NFATC1: variants seen among roughly 807,000 people sequenced by gnomAD.
NFATC1 encodes nuclear factor of activated T-cells, cytoplasmic 1.
NFATC1 carries 22 observed loss-of-function variants against 76.0 expected under a neutral mutation model. The observed-to-expected ratio is 0.29, with a 90% CI of 0.21 to 0.41. The LOEUF is 0.41. Ranked by LOEUF, NFATC1 falls within the 10% of genes least tolerant of loss-of-function variation. The probability of loss-of-function intolerance (pLI) is 1.00; values close to 1 mark genes in which losing one functional copy is unlikely to be tolerated. For synonymous variants in NFATC1, 704 were observed against 613.1 expected (o/e 1.15, Z -2.19); for missense variants, 1,357 against 1,337.7 (o/e 1.01, Z -0.23).
At chr18:79,522,794 G>C (rs1313469523) in intron 9 of NFATC1, among the ~76,000 whole-genome samples, 2 of 152,134 alleles carry the variant, frequency 1.3e-5, no homozygotes, top group Non-Finnish European at 2.9e-5. Context: ...CCTGTCCCAG[G>C]GTCTGAGTCG....
rs138891055 is a variant in NFATC1 at position 79,444,510 on chromosome 18, C to G, written c.1387-4272C>G. ...GCCCTCGCTGCTCTGGAGGGAGACC[C>G]CAGGCCCCTCAGGCCCTTTCCCGCA... On this transcript the variant is annotated intron_variant, in intron 3 of 9. Transcript: ENST00000427363. Among the ~76,000 whole-genome samples, 3 of 148,766 alleles carry G rather than the reference C, an allele frequency of 2.0e-5. No individual in the cohort carries two copies. In the East Asian group the frequency reaches 6.1e-4, roughly 30 times the overall value.
chr18:79,484,420 C>T lies in NFATC1; in HGVS notation c.2093-1828C>T, dbSNP rs147821900. ...TCCTGCCTCCTGGACGTCCCCACCT[C>T]CTGGTCACCCACCCCCTCTAAAACC... On this transcript the variant is annotated intron_variant, in intron 8 of 9. Transcript: ENST00000427363. 2.4e-3 allele frequency among the ~76,000 whole-genome samples: 373 copies of T among 152,252 alleles called. 1 individual carries two copies. The highest frequency in any genetic ancestry group is 8.5e-3 in the African/African-American group (353 of 41,536).
intron 1 of NFATC1, among the ~76,000 whole-genome samples, chr18:79,408,466 TTTA>T (rs1438353389): frequency 1.3e-5 from 2 of 152,226 alleles, no homozygotes; most frequent in Non-Finnish European, 2.9e-5. Flanking sequence ...TAAAAAATAT[TTTA>T]TTGAGTGTAA....
intron 2 of NFATC1, among the ~76,000 whole-genome samples, chr18:79,414,106 CT>C (rs1386012014): frequency 6.6e-6 from 1 of 152,166 alleles, no homozygotes; most frequent in African/African-American, 2.4e-5. Context: ...AGCGGGTGCC[CT>C]GGGGCAGCTG....
At chr18:79,453,207 C>A (rs919985487) in intron 6 of NFATC1, among the ~76,000 whole-genome samples, 60 of 152,322 alleles carry the variant, frequency 3.9e-4, no homozygotes, top group African/African-American at 1.3e-3. Flanking sequence ...TGTAGGGCCT[C>A]GCTTGGGCCA....
intron 8 of NFATC1, among the ~76,000 whole-genome samples, chr18:79,484,324 G>A (rs1177410374): frequency 6.6e-6 from 1 of 152,098 alleles, no homozygotes; most frequent in Non-Finnish European, 1.5e-5. Context: ...GTGGCTTTAT[G>A]GGCCCTGGTC....
chr18:79,503,866 A>T (rs2090065546), intron 9 of NFATC1, among the ~76,000 whole-genome samples: 1 of 152,174 alleles, frequency 6.6e-6, no homozygotes, highest in Admixed American at 6.5e-5. Context: ...CCCCATCAGC[A>T]CTTGCTGCTT....
intron 4 of NFATC1, 151 bp from the exon 5 acceptor site, chr18:79,450,803 G>C: frequency 1.0e-6 from 1 of 995,612 alleles, no homozygotes; most frequent in Non-Finnish European, 1.5e-6. Flanking sequence ...CTGGCTTCAA[G>C]GTCTTGTTTT....
intron 1 of NFATC1, among the ~76,000 whole-genome samples, chr18:79,406,556 C>CT (rs1320809449): frequency 6.6e-6 from 1 of 152,228 alleles, no homozygotes; most frequent in Non-Finnish European, 1.5e-5. Context: ...TCTGCTCCAA[C>CT]AGGCGAGAGG....
At chr18:79,400,236 T>C in intron 1 of NFATC1, 2 of 1,191,754 alleles carry the variant, frequency 1.7e-6, no homozygotes, top group South Asian at 3.6e-5. Flanking sequence ...CGGTTGTTTA[T>C]GTAAACCCGG....
chr18:79,487,608 C>A (rs1045376476), intron 9 of NFATC1, among the ~76,000 whole-genome samples: 1 of 152,210 alleles, frequency 6.6e-6, no homozygotes, highest in African/African-American at 2.4e-5. Context: ...TGTAGCCAGG[C>A]GGGTGGTGTG....
chr18:79,430,411 C>G (rs1309286779), intron 2 of NFATC1, among the ~76,000 whole-genome samples: 1 of 152,182 alleles, frequency 6.6e-6, no homozygotes, highest in Admixed American at 6.5e-5. Flanking sequence ...GAGATGGAGT[C>G]TCACTCTGTT....
chr18:79,401,177 G>A (rs1440958480), intron 1 of NFATC1, among the ~76,000 whole-genome samples: 1 of 139,624 alleles, frequency 7.2e-6, no homozygotes, highest in South Asian at 2.3e-4. Flanking sequence ...CCCGCTGCCC[G>A]GGATCTCTTC....
intron 8 of NFATC1, among the ~76,000 whole-genome samples, chr18:79,475,044 C>T (rs2088994227): frequency 7.6e-6 from 1 of 131,242 alleles, no homozygotes; most frequent in Non-Finnish European, 1.6e-5. Flanking sequence ...CTCACGCTCA[C>T]TGTCGACGTT....
chr18:79,401,611 G>A (rs946637113), intron 1 of NFATC1, among the ~76,000 whole-genome samples: 5 of 152,212 alleles, frequency 3.3e-5, no homozygotes, highest in Admixed American at 6.5e-5. Context: ...CTTGAGCCAG[G>A]ACATTTCAGC....
At position 79,422,344 on chromosome 18, in the gene NFATC1, A is replaced by T. The variant is rs74920818; in HGVS notation, c.1226+10843A>T. On this transcript the variant is annotated intron_variant, in intron 2 of 9. Coordinates refer to ENST00000427363, the MANE Select transcript of NFATC1 (RefSeq NM_001278669.2). ...CTGCCAAAACTTCCTGTGAGTAATA[A>T]TGACAGATGGGCCCTGACCCTGGAG... 7.2e-5 allele frequency: 11 copies of T among 152,336 alleles called. No individual in the cohort carries two copies. In the East Asian group the frequency reaches 1.7e-3, roughly 24 times the overall value. 9.4% of individuals were successfully genotyped at this position (152,336 alleles called of 1,614,324 possible). A position where few individuals can be genotyped will look rare whatever the true frequency, so the allele number is the denominator to read the frequency against.
chr18:79,422,394 C>A (rs1193334582), intron 2 of NFATC1: 1 of 151,024 alleles, frequency 6.6e-6, no homozygotes, highest in Admixed American at 6.6e-5. Context: ...GTTTGGGGTC[C>A]GAGAAGAGTC....
intron 8 of NFATC1, among the ~76,000 whole-genome samples, chr18:79,472,093 T>C (rs547784077): frequency 6.6e-6 from 1 of 152,010 alleles, no homozygotes; most frequent in East Asian, 1.9e-4. Context: ...CGGGGTCCTG[T>C]GGCCTTGGGT....
intron 1 of NFATC1, among the ~76,000 whole-genome samples, chr18:79,401,946 G>C (rs1483071492): frequency 3.3e-5 from 5 of 152,194 alleles, no homozygotes; most frequent in Admixed American, 2.6e-4. Flanking sequence ...CCTGGCTGAA[G>C]ATTTCACTGC....
Sources: allele counts gnomAD v4.1 joint callset (sites outside exome capture counted in the v4.1 genomes callset), GRCh38; gene constraint gnomAD v4.1.1; transcripts MANE v1.5; gene names NCBI Gene and HGNC (gene_info 2026-07-23, HGNC 2026-07-21).